The following FGF14 variants were observed in gnomAD, a reference collection of about 807,000 sequenced individuals.
FGF14 encodes the protein fibroblast growth factor homologous factor 4.
Under a neutral mutation model 25.5 loss-of-function variants are expected in FGF14, and 5 were observed. That is an observed-to-expected ratio of 0.20 (90% CI 0.10 to 0.41). FGF14 has a LOEUF of 0.41. Among genes scored for constraint, FGF14 ranks in the 10% least tolerant of loss-of-function variants. The pLI is 1.00. For missense variants in FGF14, 222 were observed against 320.1 expected (o/e 0.69, Z 2.34); for synonymous variants, 138 against 118.3 (o/e 1.17, Z -1.08).
At chr13:102,320,775 G>A (rs2056214751) in intron 1 of FGF14, among the ~76,000 whole-genome samples, 1 of 152,144 alleles carries the variant, frequency 6.6e-6, no homozygotes, top group Admixed American at 6.5e-5. Flanking sequence ...TGCATGTTAT[G>A]CCAAAAGCTG....
At chr13:101,868,899 G>A (rs538352361) in intron 2 of FGF14, 71 bp from the exon 3 acceptor site, 4 of 974,158 alleles carry the variant, frequency 4.1e-6, no homozygotes, top group Non-Finnish European at 6.7e-6. Context: ...TTTTCTTTCT[G>A]ATTTATTTTA....
At chr13:101,862,042 T>C (rs868458436) in intron 3 of FGF14, among the ~76,000 whole-genome samples, 7 of 152,066 alleles carry the variant, frequency 4.6e-5, no homozygotes, top group African/African-American at 9.7e-5. Context: ...GGTGAATGTG[T>C]CCAAGGGGCT....
chr13:102,124,040 G>A lies in FGF14; in HGVS notation c.209-248744C>T, dbSNP rs1178880482. On this transcript the variant is annotated intron_variant, in intron 1 of 4. Coordinates refer to the FGF14 transcript ENST00000376131. The stretch of plus-strand genomic sequence containing the variant: ...CTCTCCAACATCCAGAGTAACAACA[G>A]AACAGCAATGAGAAAGAGAAAGTGA... 4.0e-5 allele frequency among the ~76,000 whole-genome samples: 6 copies of A among 148,870 alleles called. No individual in the cohort carries two copies. In the Middle Eastern group the frequency reaches 0.021, roughly 513 times the overall value.
At position 101,892,886 on chromosome 13, in the gene FGF14, C is replaced by T. The variant is rs7322961; in HGVS notation, c.194-17590G>A. Among the ~76,000 whole-genome samples, 751 of 151,980 alleles carry T rather than the reference C, an allele frequency of 4.9e-3. 3 individuals carry two copies. The highest frequency in any genetic ancestry group is 8.3e-3 in the Non-Finnish European group (567 of 68,012). On this transcript the variant is annotated intron_variant, in intron 1 of 4. Coordinates refer to ENST00000376143, the MANE Select transcript of FGF14 (RefSeq NM_004115.4). ...GAGGATGGAAAAGATGGCCAAGTGT[C>T]CAAATCTTGGGAGGTCTGTTAATTA...
chr13:102,161,624 A>AGACGAAGAAGAC (rs2047701709), intron 1 of FGF14, among the ~76,000 whole-genome samples: 2 of 17,496 alleles, frequency 1.1e-4, no homozygotes, highest in Non-Finnish European at 1.9e-4. Flanking sequence ...AAGAAGAAGA[A>AGACGAAGAAGAC]GAAGAAGAAG....
At chr13:102,115,442 T>C (rs760918828) in intron 1 of FGF14, among the ~76,000 whole-genome samples, 10 of 152,224 alleles carry the variant, frequency 6.6e-5, no homozygotes, top group African/African-American at 9.6e-5. Context: ...TGGTATCTCA[T>C]TGTCATTTTA....
rs151071540 is a variant in FGF14, at chr13:101,934,738, A to C, written c.209-59442T>G. On this transcript the variant is annotated intron_variant, in intron 1 of 4. Transcript: ENST00000376131. ...TGAAAGTCCAAATGCCCCTCACTCT[A>C]CACTGCCATTTTCTATACATGAAGA... 9.3e-4 allele frequency among the ~76,000 whole-genome samples: 142 copies of C among 152,272 alleles called. 2 individuals carry two copies. The highest frequency in any genetic ancestry group is 3.3e-3 in the African/African-American group (137 of 41,546).
chr13:101,996,899 A>G (rs2139704450), intron 1 of FGF14, among the ~76,000 whole-genome samples: 1 of 152,368 alleles, frequency 6.6e-6, no homozygotes, highest in East Asian at 1.9e-4. Context: ...CACCCTAATT[A>G]TAAAACAAGT....
chr13:101,743,119 T>C (rs2036658048), intron 3 of FGF14, among the ~76,000 whole-genome samples: 1 of 152,228 alleles, frequency 6.6e-6, no homozygotes, highest in South Asian at 2.1e-4. Flanking sequence ...CATGTAGCCC[T>C]AAAATGTATA....
intron 1 of FGF14, among the ~76,000 whole-genome samples, chr13:101,956,313 C>T (rs1299377402): frequency 2.0e-5 from 3 of 152,164 alleles, no homozygotes; most frequent in Non-Finnish European, 4.4e-5. Flanking sequence ...ATAAAACACA[C>T]TTGACATTGC....
intron 1 of FGF14, among the ~76,000 whole-genome samples, chr13:101,900,701 C>A (rs189021684): frequency 5.3e-5 from 8 of 151,968 alleles, no homozygotes; most frequent in Admixed American, 3.3e-4. Flanking sequence ...ACATGAGGAG[C>A]GTTTCTTGGG....
chr13:101,756,387 AGTT>A (rs2037649246), intron 3 of FGF14, among the ~76,000 whole-genome samples: 1 of 152,150 alleles, frequency 6.6e-6, no homozygotes, highest in Admixed American at 6.5e-5. Flanking sequence ...GCATGAGTTT[AGTT>A]GTTTTTTTTA....
At chr13:101,918,570 A>T (rs2033753210), upstream of FGF14, among the ~76,000 whole-genome samples, 1 of 152,230 alleles carries the variant, frequency 6.6e-6, no homozygotes, top group Non-Finnish European at 1.5e-5. Flanking sequence ...TCTTTGTCTC[A>T]GGAATAGGCA....
In FGF14 at chr13:102,165,805, T is replaced by TGTAATA. The variant is rs1555370450; in HGVS notation, c.208+235665_208+235666insTATTAC. Among the ~76,000 whole-genome samples the TGTAATA allele has an allele frequency of 9.4e-5, 14 of 148,240 alleles. 1 individual carries two copies. The highest frequency in any genetic ancestry group is 3.5e-4 in the African/African-American group (14 of 40,288). ...TGCACATGTACCCTAAAACTTAAAG[T>TGTAATA]ATAATAATAATAATAATAATAATAA... On this transcript the variant is annotated intron_variant, in intron 1 of 4. Transcript: ENST00000376131.
chr13:101,802,736 G>C (rs550106972), intron 3 of FGF14, among the ~76,000 whole-genome samples: 6 of 152,218 alleles, frequency 3.9e-5, no homozygotes, highest in African/African-American at 1.4e-4. Flanking sequence ...GCACTTTGCT[G>C]TTTGCATGAT....
chr13:102,039,483 G>C (rs1228649684), intron 1 of FGF14, among the ~76,000 whole-genome samples: 1 of 152,160 alleles, frequency 6.6e-6, no homozygotes, highest in African/African-American at 2.4e-5. Context: ...CTCTGAGGGA[G>C]AATCCATCCC....
At chr13:101,774,969 C>CAAAA (rs1213093814) in intron 3 of FGF14, among the ~76,000 whole-genome samples, 5 of 54,410 alleles carry the variant, frequency 9.2e-5, no homozygotes, top group African/African-American at 1.6e-4. Context: ...AACTCCATCT[C>CAAAA]AAAAAAAAAA....
At chr13:102,179,135 C>T (rs955979247) in intron 1 of FGF14, among the ~76,000 whole-genome samples, 5 of 152,076 alleles carry the variant, frequency 3.3e-5, no homozygotes, top group African/African-American at 9.7e-5. Context: ...AGAAGCGAGT[C>T]GTAACAGGAA....
chr13:101,797,986 T>C (rs2040650073), intron 3 of FGF14, among the ~76,000 whole-genome samples: 1 of 152,094 alleles, frequency 6.6e-6, no homozygotes, highest in African/African-American at 2.4e-5. Context: ...ATGGTAAGAT[T>C]TGAAAGTTAC....
Sources: gnomAD v4.1 joint callset for allele counts (sites outside exome capture counted in the v4.1 genomes callset) on GRCh38, gnomAD v4.1.1 for gene constraint, MANE v1.5 for transcripts, NCBI Gene and HGNC (gene_info 2026-07-23, HGNC 2026-07-21) for gene names.